TNRC6C: variants seen among roughly 807,000 people sequenced by gnomAD.
TNRC6C encodes trinucleotide repeat-containing gene 6C protein.
Under a neutral mutation model 153.7 loss-of-function variants are expected in TNRC6C, and 20 were observed. The observed-to-expected ratio is 0.13, with a 90% CI of 0.09 to 0.19. The LOEUF is 0.19. Among genes scored for constraint, TNRC6C ranks in the 10% least tolerant of loss-of-function variants. The pLI is 1.00. For synonymous variants in TNRC6C, 811 were observed against 841.4 expected, an observed-to-expected ratio of 0.96 and a Z score of 0.63; for missense variants, 1,987 against 2,172.0, an observed-to-expected ratio of 0.91 and a Z score of 1.69.
rs1032196041 is a variant in TNRC6C, at chr17:78,073,105, C to G, written c.2917+11C>G. ...TTGATCAGGCCATGAGTAAGTCATA[C>G]AACATCCTTTTTAAAAAGGTACCCA... On this transcript the variant is annotated intron_variant, in intron 7 of 19. Coordinates refer to ENST00000301624, the Ensembl canonical transcript of TNRC6C. The G allele has an allele frequency of 4.5e-6, 7 of 1,550,260 alleles. No homozygotes were observed. Among genetic ancestry groups the G allele is most frequent in the Non-Finnish European group, 6.1e-6 (7 of 1,145,934 alleles).
chr17:78,073,202 C>T (rs2073027854), intron 7 of TNRC6C, 108 bp downstream of exon 9: 2 of 912,658 alleles, frequency 2.2e-6, no homozygotes, highest in Middle Eastern at 2.2e-4. Context: ...CCTGGGTAGA[C>T]AGGACCAGGC....
chr17:78,034,684 T>C (rs2072144654), intron 2 of TNRC6C, among the ~76,000 whole-genome samples: 2 of 152,182 alleles, frequency 1.3e-5, no homozygotes, highest in Non-Finnish European at 2.9e-5. Context: ...AAGAAAATGT[T>C]TGAGGTCGGG....
Position 78,051,934 on chromosome 17 carries a change from G to GGAA in TNRC6C, c.2395+480_2395+482dup, listed in dbSNP as rs1440628186. 7.9e-5 allele frequency among the ~76,000 whole-genome samples: 12 copies of GGAA among 152,202 alleles called. No homozygotes were observed. The East Asian group carries it at 1.2e-3, about 15-fold the overall frequency. On this transcript the variant is annotated intron_variant, in intron 3 of 19. Coordinates refer to ENST00000301624, the Ensembl canonical transcript of TNRC6C. ...GAGGACAATAAAAGGTCCCAGATAC[G>GGAA]GAAGACCAGTTCTCAGCCAGAGGGG...
Position 78,075,405 on chromosome 17 carries a change from T to C in TNRC6C, c.3060+127T>C. On this transcript the variant is annotated intron_variant, in intron 8 of 19. Coordinates refer to ENST00000301624, the Ensembl canonical transcript of TNRC6C. This position sits in a 1 kb window ranked among gnomAD's most constrained non-coding sequence, Gnocchi z 4.2. ...ATAATACTTAAGTGACTTTTATCCA[T>C]TTTTTTCTAACATTATGAACATTTA... 1 of 1,128,246 alleles carries C rather than the reference T, an allele frequency of 8.9e-7. No individual in the cohort carries two copies. The highest frequency in any genetic ancestry group is 1.2e-6 in the Non-Finnish European group (1 of 818,914). The allele number at this position is 1,128,246 out of a possible 1,614,324, so 69.9% of individuals were successfully genotyped here.
chr17:77,984,563 G>A (rs1190131593), intron 1 of TNRC6C, among the ~76,000 whole-genome samples: 3 of 152,260 alleles, frequency 2.0e-5, no homozygotes, highest in African/African-American at 2.4e-5. Context: ...CCTTCAGTGC[G>A]TGTGCTTTTG....
Position 78,046,873 on chromosome 17 carries a change from C to T in TNRC6C, c.-218-1972C>T, listed in dbSNP as rs942876198. ...ACGTGTCATATAATTGAGTATGAAC[C>T]TGTCAAATTGGGGGCTGAGCAATCC... On this transcript the variant is annotated intron_variant, in intron 2 of 19. Transcript: ENST00000301624. 5.3e-5 allele frequency among the ~76,000 whole-genome samples: 8 copies of T among 152,198 alleles called. No individual in the cohort carries two copies. In the South Asian group the frequency reaches 1.7e-3, roughly 31 times the overall value.
At chr17:77,963,515 G>A (rs542858252) in intron 1 of TNRC6C, among the ~76,000 whole-genome samples, 1 of 152,282 alleles carries the variant, frequency 6.6e-6, no homozygotes, top group East Asian at 1.9e-4. Context: ...AGCTTTAGAT[G>A]TTTTCAGAGA....
intron 2 of TNRC6C, among the ~76,000 whole-genome samples, chr17:78,033,438 G>A (rs1598713572): frequency 6.6e-6 from 1 of 152,204 alleles, no homozygotes; most frequent in Non-Finnish European, 1.5e-5. Context: ...GGGAAGCCAA[G>A]GTGGGCGGAT....
At position 78,049,620 on chromosome 17, in the gene TNRC6C, C is replaced by T; in HGVS notation, c.558C>T (p.Asn186=). 1 of 1,614,010 alleles carries T rather than the reference C, an allele frequency of 6.2e-7. No homozygotes were observed. The highest frequency in any genetic ancestry group is 8.5e-7 in the Non-Finnish European group (1 of 1,179,894). Residue 186 remains asparagine (N), a synonymous_variant, in exon 3 of 20, where the codon AAC becomes AAT. Transcript: ENST00000301624. This position sits in a 1 kb window ranked among gnomAD's most constrained non-coding sequence, Gnocchi z 4.1. Reference sequence around the variant, plus strand: ...ACCTTAACACTGATGGACCAAATAACACTAACCCCATGAACTCTTCACCCA... The same window carrying T: ...ACCTTAACACTGATGGACCAAATAATACTAACCCCATGAACTCTTCACCCA...
chr17:77,991,177 C>A (rs2071243968), intron 1 of TNRC6C, among the ~76,000 whole-genome samples: 1 of 152,180 alleles, frequency 6.6e-6, no homozygotes. Flanking sequence ...ATATCTTGAT[C>A]CCTTGAAGAA....
chr17:78,102,353 T>C, intron 17 of TNRC6C, 121 bp from the exon 21 acceptor site: 1 of 882,084 alleles, frequency 1.1e-6, no homozygotes, highest in Non-Finnish European at 1.7e-6. Flanking sequence ...GAGAAAGGCT[T>C]TCCTAAAGCA....
intron 2 of TNRC6C, 108 bp downstream of exon 4, chr17:78,031,950 T>C (rs2072084177): frequency 1.1e-6 from 1 of 905,228 alleles, no homozygotes; most frequent in Non-Finnish European, 1.4e-6. Context: ...ACTCACAACA[T>C]ACACAGAGAC....
chr17:78,102,786 G>C, intron 18 of TNRC6C: 2 of 505,870 alleles, frequency 4.0e-6, no homozygotes, highest in Non-Finnish European at 7.0e-6. Context: ...CCCCACCAGA[G>C]GCTGGAAAAG....
intron 1 of TNRC6C, among the ~76,000 whole-genome samples, chr17:78,007,719 CT>C (rs2071547125): frequency 6.6e-6 from 1 of 152,186 alleles, no homozygotes; most frequent in African/African-American, 2.4e-5. Context: ...GAGTTGGATA[CT>C]CTTAAGAGAG....
At chr17:78,096,453 T>G (rs1079120) in intron 16 of TNRC6C, among the ~76,000 whole-genome samples, 17,388 of 152,274 alleles carry the variant, frequency 0.11, 1,170 homozygotes, top group East Asian at 0.19. Context: ...ACCTGCAGAT[T>G]ACCCATAAAT....
At chr17:77,996,769 C>T (rs1471908434) in intron 1 of TNRC6C, among the ~76,000 whole-genome samples, 4 of 152,110 alleles carry the variant, frequency 2.6e-5, no homozygotes, top group African/African-American at 9.7e-5. Context: ...CAGGGTCATC[C>T]CTGAATCTGA....
At chr17:78,025,853 A>T (rs1754300863) in intron 1 of TNRC6C, among the ~76,000 whole-genome samples, 1 of 152,170 alleles carries the variant, frequency 6.6e-6, no homozygotes, top group Non-Finnish European at 1.5e-5. Context: ...GGGAAGAGGA[A>T]ATCCGTGGAC....
At position 78,075,161 on chromosome 17, in the gene TNRC6C, C is replaced by CGTG. The variant is rs2073062246; in HGVS notation, c.2945_2947dup (p.Val982dup). On this transcript the variant is annotated inframe_insertion, in exon 8 of 20. Transcript: ENST00000301624. The surrounding 1 kb of genome is among the most constrained non-coding windows in gnomAD (Gnocchi z 4.2). ...GCGCTCTGCTGGAAAAGAAGGTGGA[C>CGTG]GTGGACAAGCGTGGGCTGGGAGTGA... 1 of 1,613,062 alleles carries CGTG rather than the reference C, an allele frequency of 6.2e-7. No individual in the cohort carries two copies. Among genetic ancestry groups the CGTG allele is most frequent in the South Asian group, 1.1e-5 (1 of 90,814 alleles).
chr17:78,028,944 G>A (rs564547810), intron 1 of TNRC6C, among the ~76,000 whole-genome samples: 1 of 152,254 alleles, frequency 6.6e-6, no homozygotes, highest in Non-Finnish European at 1.5e-5. Context: ...TTTACATGTC[G>A]GCGTGCAGAA....
Sources: gnomAD v4.1 joint callset for allele counts (sites outside exome capture counted in the v4.1 genomes callset) on GRCh38, gnomAD v4.1.1 for gene constraint, Gnocchi (gnomAD v3.1) non-coding constraint, MANE v1.5 for transcripts, NCBI Gene and HGNC (gene_info 2026-07-23, HGNC 2026-07-21) for gene names.